The following TOX variants were observed in gnomAD, a reference collection of about 807,000 sequenced individuals.
TOX encodes thymocyte selection associated high mobility group box, also known as thymocyte selection-associated high mobility group box protein TOX.
TOX carries 11 observed loss-of-function variants against 53.7 expected under a neutral mutation model. The observed-to-expected ratio is 0.20, with a 90% CI of 0.13 to 0.34. The LOEUF is 0.34. Ranked by LOEUF, TOX falls within the 10% of genes least tolerant of loss-of-function variation. The pLI is 1.00. For missense variants in TOX, 570 were observed against 664.6 expected (o/e 0.86, Z 1.56); for synonymous variants, 225 against 245.3 (o/e 0.92, Z 0.77).
chr8:58,853,909 G>A (rs1406943477), intron 3 of TOX, among the ~76,000 whole-genome samples: 1 of 152,134 alleles, frequency 6.6e-6, no homozygotes, highest in African/African-American at 2.4e-5. Context: ...ATACACAGAA[G>A]AGACAGTGTA....
At chr8:59,097,038 C>T (rs750105735) in intron 1 of TOX, among the ~76,000 whole-genome samples, 12 of 152,136 alleles carry the variant, frequency 7.9e-5, no homozygotes, top group Non-Finnish European at 1.6e-4. Context: ...ATAAACAATG[C>T]TCTGGCTTTT....
intron 3 of TOX, among the ~76,000 whole-genome samples, chr8:58,928,407 T>G (rs1025772367): frequency 2.0e-5 from 3 of 152,236 alleles, no homozygotes. Flanking sequence ...CCACTGATAC[T>G]TTCAGCCATG....
chr8:58,945,463 G>A (rs915070113), intron 2 of TOX, among the ~76,000 whole-genome samples: 2 of 152,232 alleles, frequency 1.3e-5, no homozygotes, highest in East Asian at 1.9e-4. Context: ...GTCCTTCCCT[G>A]AAGTCCAACC....
At chr8:58,948,398 G>A (rs1364624447) in intron 2 of TOX, among the ~76,000 whole-genome samples, 1 of 152,080 alleles carries the variant, frequency 6.6e-6, no homozygotes, top group Non-Finnish European at 1.5e-5. Context: ...TTGCTTGGGG[G>A]TCTACATAAG....
At chr8:59,086,002 T>TTTTTA (rs1804502092) in intron 1 of TOX, among the ~76,000 whole-genome samples, 1 of 130,070 alleles carries the variant, frequency 7.7e-6, no homozygotes. Context: ...TTTTTTTTTT[T>TTTTTA]GAGACAGAGT....
intron 1 of TOX, among the ~76,000 whole-genome samples, chr8:59,092,269 A>ATATATATTATATATACAT (rs1804624280): frequency 1.7e-5 from 2 of 116,402 alleles, no homozygotes; most frequent in African/African-American, 5.4e-5. Flanking sequence ...TATATTTTAT[A>ATATATATTATATATACAT]TATATATATA....
At chr8:58,819,732 T>C (rs780734616) in intron 6 of TOX, among the ~76,000 whole-genome samples, 3 of 152,174 alleles carry the variant, frequency 2.0e-5, no homozygotes, top group Non-Finnish European at 4.4e-5. Flanking sequence ...GCTATAAAAA[T>C]GAAAGATTGA....
chr8:58,969,703 C>A (rs1173572453), intron 1 of TOX, among the ~76,000 whole-genome samples: 2 of 152,214 alleles, frequency 1.3e-5, no homozygotes, highest in Non-Finnish European at 2.9e-5. Context: ...ATCTCCTCTA[C>A]ACCGAGATCA....
intron 1 of TOX, among the ~76,000 whole-genome samples, chr8:59,040,084 C>T (rs1170219305): frequency 1.3e-5 from 2 of 152,144 alleles, no homozygotes; most frequent in South Asian, 2.1e-4. Context: ...AATCCCAGCA[C>T]TTTGGGAGGC....
intron 7 of TOX, among the ~76,000 whole-genome samples, chr8:58,812,964 T>C (rs114714286): frequency 5.5e-4 from 84 of 152,378 alleles, no homozygotes; most frequent in African/African-American, 1.9e-3. Flanking sequence ...CAAGGCATTG[T>C]TAAAAGAGTT....
intron 1 of TOX, among the ~76,000 whole-genome samples, chr8:59,011,271 G>A (rs1262121377): frequency 6.6e-6 from 1 of 152,144 alleles, no homozygotes; most frequent in Non-Finnish European, 1.5e-5. Context: ...TCTTTCTCTT[G>A]GAGGAAAATC....
chr8:58,952,870 T>C (rs528023015), intron 2 of TOX, among the ~76,000 whole-genome samples: 1 of 152,282 alleles, frequency 6.6e-6, no homozygotes, highest in South Asian at 2.1e-4. Flanking sequence ...TACACAACAT[T>C]TAACCCATCA....
intron 3 of TOX, among the ~76,000 whole-genome samples, chr8:58,931,107 A>G (rs936565828): frequency 3.3e-5 from 5 of 152,232 alleles, no homozygotes; most frequent in African/African-American, 1.2e-4. Flanking sequence ...AAGATGGGAA[A>G]CTGCTGGCTA....
At chr8:59,002,393 C>T (rs1411526074) in intron 1 of TOX, among the ~76,000 whole-genome samples, 1 of 151,432 alleles carries the variant, frequency 6.6e-6, no homozygotes, top group Non-Finnish European at 1.5e-5. Flanking sequence ...GAGATGGAGA[C>T]CATCCTGGCT....
At chr8:58,908,516 T>A (rs569904363) in intron 3 of TOX, among the ~76,000 whole-genome samples, 3 of 152,314 alleles carry the variant, frequency 2.0e-5, no homozygotes, top group Admixed American at 2.0e-4. Flanking sequence ...TCTACAAACC[T>A]CAGATTTGAA....
At chr8:59,018,734 T>C (rs1814062524) in intron 1 of TOX, among the ~76,000 whole-genome samples, 1 of 152,154 alleles carries the variant, frequency 6.6e-6, no homozygotes, top group Non-Finnish European at 1.5e-5. Flanking sequence ...ACTGTGGACC[T>C]GAAAGTTTGA....
intron 1 of TOX, among the ~76,000 whole-genome samples, chr8:58,970,706 C>T (rs953774318): frequency 3.3e-5 from 5 of 152,144 alleles, no homozygotes; most frequent in Admixed American, 6.5e-5. Context: ...GGGCAGAGAC[C>T]GTCCTAACTT....
chr8:59,098,436 T>TC (rs1804750645), intron 1 of TOX, among the ~76,000 whole-genome samples: 1 of 152,110 alleles, frequency 6.6e-6, no homozygotes, highest in African/African-American at 2.4e-5. Context: ...TTTTTTTTTT[T>TC]TTCCAAACCA....
At position 59,075,224 on chromosome 8, in the gene TOX, A is replaced by G. The variant is rs1422822191; in HGVS notation, c.102+43662T>C. Among the ~76,000 whole-genome samples the G allele has an allele frequency of 2.6e-5, 4 of 152,202 alleles. No homozygotes were observed. In the East Asian group the frequency reaches 5.8e-4, roughly 22 times the overall value. On this transcript the variant is annotated intron_variant, in intron 1 of 8. Coordinates refer to ENST00000361421, the MANE Select transcript of TOX (RefSeq NM_014729.3). Reference sequence around the variant, plus strand: ...GCTTTGGAAATGTCGGCCTGAAAACATCTGTGATGGGGTTCAGAACATGTC... The same window carrying G: ...GCTTTGGAAATGTCGGCCTGAAAACGTCTGTGATGGGGTTCAGAACATGTC...
Sources: gnomAD v4.1 joint callset for allele counts (sites outside exome capture counted in the v4.1 genomes callset) on GRCh38, gnomAD v4.1.1 for gene constraint, MANE v1.5 for transcripts, NCBI Gene and HGNC (gene_info 2026-07-23, HGNC 2026-07-21) for gene names.